The following SLC25A24 variants were observed in gnomAD, a reference collection of about 807,000 sequenced individuals.
SLC25A24 encodes the protein mitochondrial adenyl nucleotide antiporter SLC25A24.
In SLC25A24, 49 loss-of-function variants were observed where a neutral mutation model predicts 60.7. The ratio of observed to expected loss-of-function variants is 0.81; its 90% CI spans 0.64 to 1.02. The LOEUF (loss-of-function observed/expected upper bound fraction) is 1.02, where lower values mean the gene tolerates loss of function less well. SLC25A24 is among the 50% of genes least tolerant of loss of function. SLC25A24 has a pLI of 0.00. For synonymous variants in SLC25A24, 202 were observed against 200.6 expected (o/e 1.01, Z -0.06); for missense variants, 564 against 586.3 (o/e 0.96, Z 0.39).
chr1:108,167,946 A>G (rs1647269320), intron 3 of SLC25A24, among the ~76,000 whole-genome samples: 1 of 152,138 alleles, frequency 6.6e-6, no homozygotes, highest in East Asian at 1.9e-4. Flanking sequence ...GTTTTCTCCT[A>G]AGAGAAACTC....
chr1:108,176,944 A>AT (rs1273334364), intron 3 of SLC25A24, among the ~76,000 whole-genome samples: 1 of 152,236 alleles, frequency 6.6e-6, no homozygotes, highest in Non-Finnish European at 1.5e-5. Context: ...AAACTGGCTG[A>AT]TAAAAGAAAG....
chr1:108,199,462 G>A (rs1420319346), intron 1 of SLC25A24: 1 of 168,158 alleles, frequency 5.9e-6, no homozygotes, highest in African/African-American at 2.4e-5. Flanking sequence ...TTCTCAACAG[G>A]AAGTGGGGGA....
intron 8 of SLC25A24, among the ~76,000 whole-genome samples, chr1:108,139,538 G>A (rs17021104): frequency 0.066 from 10,018 of 152,206 alleles, 421 homozygotes; most frequent in Non-Finnish European, 0.1. Context: ...CATTTTACAC[G>A]TTACATATAT....
Position 108,135,669 on chromosome 1 carries a change from C to CT in SLC25A24, c.*983dup, listed in dbSNP as rs1190804547. 1.3e-5 allele frequency: 2 copies of CT among 152,476 alleles called. No homozygotes were observed. Among genetic ancestry groups the CT allele is most frequent in the African/African-American group, 4.8e-5 (2 of 41,416 alleles). The allele number at this position is 152,476 out of a possible 1,614,324, so 9.4% of individuals were successfully genotyped here. Reference sequence around the variant, plus strand: ...ACTACTATTAATATGTATCTCTCACCTTTGTGCTGCCCATATTGAAAACAG... The same window carrying CT: ...ACTACTATTAATATGTATCTCTCACCTTTTGTGCTGCCCATATTGAAAACAG... On this transcript the variant is annotated 3_prime_UTR_variant, in exon 10 of 10. Transcript: ENST00000565488.
rs765118620 is a variant in SLC25A24, at chr1:108,146,702, A to G, written c.930+1577T>C. Among the ~76,000 whole-genome samples the G allele has an allele frequency of 2.0e-5, 3 of 152,184 alleles. 1 individual carries two copies. Among genetic ancestry groups the G allele is most frequent in the South Asian group, 4.1e-4 (2 of 4,834 alleles). On this transcript the variant is annotated intron_variant, in intron 7 of 9. Coordinates refer to ENST00000565488, the MANE Select transcript of SLC25A24 (RefSeq NM_013386.5). ...GCGGTTTTTGTCACTGGTTCTGTTT[A>G]TTGATGAATTCCGTTATATTGATTT...
In SLC25A24 at chr1:108,182,005, C is replaced by T; in HGVS notation, c.334G>A (p.Val112Ile). ...NDGKIEASEI[V>I]QSLQTLGLTI... is the part of the protein sequence containing the mutation. ...AGACCCAGTGTCTGGAGAGACTGGA[C>T]AATTTCTGAAGCCTCAATTTTTCCT... The change falls in exon 3 of 10, where the codon GTC becomes ATC. Residue 112 changes from valine to isoleucine, a missense_variant. Physicochemically the swap from Val to Ile is conservative, Grantham distance 29. Transcript: ENST00000565488. 1 of 1,611,110 alleles carries T rather than the reference C, an allele frequency of 6.2e-7. No individual in the cohort carries two copies.
At chr1:108,141,748 A>G (rs766765227) in intron 8 of SLC25A24, among the ~76,000 whole-genome samples, 50 of 152,216 alleles carry the variant, frequency 3.3e-4, no homozygotes, top group Non-Finnish European at 6.8e-4. Context: ...GTTACATGAA[A>G]TAAGCCAGTC....
chr1:108,155,562 T>C (rs1460460133), intron 5 of SLC25A24, among the ~76,000 whole-genome samples: 3 of 151,942 alleles, frequency 2.0e-5, no homozygotes, highest in African/African-American at 7.2e-5. Context: ...TATTATTACA[T>C]ATAATTTAAA....
chr1:108,186,224 T>C (rs1432943157), intron 1 of SLC25A24, among the ~76,000 whole-genome samples: 2 of 152,176 alleles, frequency 1.3e-5, no homozygotes, highest in Non-Finnish European at 2.9e-5. Flanking sequence ...AATCTAACCA[T>C]ACCCTAAATT....
Position 108,157,465 on chromosome 1 carries a change from C to T in SLC25A24, c.666G>A (p.Met222Ile), listed in dbSNP as rs1322442356. The change falls in exon 5 of 10, where the codon ATG becomes ATA. Residue 222 changes from methionine (M) to isoleucine (I), a missense_variant. Transcript: ENST00000565488. ...TAPLDRLKIM[M>I]QVHGSKSDKM... ...GACACACGATAATAAAGCTCACCTGCATCATGATTTTCAGACGGTCCAAAG... is the reference window on the plus strand; with the variant it reads ...GACACACGATAATAAAGCTCACCTGTATCATGATTTTCAGACGGTCCAAAG... 5 of 1,613,446 alleles carry T rather than the reference C, an allele frequency of 3.1e-6. No homozygotes were observed. The African/African-American group carries it at 5.3e-5, about 17-fold the overall frequency.
At chr1:108,174,100 A>C (rs984094351) in intron 3 of SLC25A24, among the ~76,000 whole-genome samples, 2 of 152,262 alleles carry the variant, frequency 1.3e-5, no homozygotes, top group African/African-American at 4.8e-5. Flanking sequence ...CTGCATAAGA[A>C]ACAAGGAGTG....
At chr1:108,186,687 C>T (rs1648135943) in intron 1 of SLC25A24, among the ~76,000 whole-genome samples, 1 of 152,130 alleles carries the variant, frequency 6.6e-6, no homozygotes, top group South Asian at 2.1e-4. Flanking sequence ...CTACCACCAC[C>T]CAAAATATAA....
chr1:108,196,482 A>G (rs533233), intron 1 of SLC25A24, among the ~76,000 whole-genome samples: 37,065 of 152,174 alleles, frequency 0.24, 5,018 homozygotes, highest in African/African-American at 0.33. Context: ...CTTGACAAGG[A>G]TTACACGGTC....
chr1:108,187,168 C>G (rs538612587), intron 1 of SLC25A24, among the ~76,000 whole-genome samples: 17 of 151,918 alleles, frequency 1.1e-4, no homozygotes, highest in Admixed American at 1.0e-3. Context: ...GACTGAGAGA[C>G]AGATCTGAAA....
intron 1 of SLC25A24, 56 bp downstream of exon 1, chr1:108,199,900 G>A (rs1648606118): frequency 1.4e-6 from 2 of 1,402,106 alleles, no homozygotes; most frequent in Non-Finnish European, 2.0e-6. Flanking sequence ...TCCTCGCAGT[G>A]TCCCCAGCGC....
At chr1:108,165,912 G>C (rs1680239598) in intron 3 of SLC25A24, among the ~76,000 whole-genome samples, 1 of 152,192 alleles carries the variant, frequency 6.6e-6, no homozygotes, top group Admixed American at 6.5e-5. Context: ...ATTTTGGCAT[G>C]ATTTTGCAGC....
chr1:108,200,189 G>A lies in SLC25A24; in HGVS notation c.-51C>T, dbSNP rs1426761940. 4.0e-6 allele frequency: 6 copies of A among 1,485,270 alleles called. No homozygotes were observed. Among genetic ancestry groups the A allele is most frequent in the Non-Finnish European group, 4.5e-6 (5 of 1,118,334 alleles). 92.0% of individuals were successfully genotyped at this position (1,485,270 alleles called of 1,614,324 possible). On this transcript the variant is annotated 5_prime_UTR_variant, in exon 1 of 10. Coordinates refer to ENST00000565488, the MANE Select transcript of SLC25A24 (RefSeq NM_013386.5). ...CCGAGGAAGTCACGGGAGATCGAGGGCTGCGGGGCGAGACCGGGACCAGCG... is the reference window on the plus strand; with the variant it reads ...CCGAGGAAGTCACGGGAGATCGAGGACTGCGGGGCGAGACCGGGACCAGCG...
chr1:108,148,283 A>G lies in SLC25A24; in HGVS notation c.926T>C (p.Met309Thr), dbSNP rs1020700727. ...GATAQTFIYP[M>T]EVMKTRLAVG... Reference sequence around the variant, plus strand: ...AGACTTGACAATGGTACTCACCTCCATTGGATATATAAAAGTCTGTGCAGT... The same window carrying G: ...AGACTTGACAATGGTACTCACCTCCGTTGGATATATAAAAGTCTGTGCAGT... Residue 309 changes from methionine (M) to threonine (T), a missense_variant, in exon 7 of 10, where the codon ATG (methionine) becomes ACG (threonine). Transcript: ENST00000565488. 1.9e-6 allele frequency: 3 copies of G among 1,575,436 alleles called. No individual in the cohort carries two copies. The highest frequency in any genetic ancestry group is 1.7e-5 in the Admixed American group (1 of 59,932).
At chr1:108,183,838 T>G (rs549466925) in intron 2 of SLC25A24, among the ~76,000 whole-genome samples, 1 of 152,310 alleles carries the variant, frequency 6.6e-6, no homozygotes, top group Non-Finnish European at 1.5e-5. Flanking sequence ...ATTGCCTTAT[T>G]CTACTAGCTA....
Sources: gnomAD v4.1 joint callset for allele counts (sites outside exome capture counted in the v4.1 genomes callset) on GRCh38, gnomAD v4.1.1 for gene constraint, MANE v1.5 for transcripts, NCBI Gene and HGNC (gene_info 2026-07-23, HGNC 2026-07-21) for gene names.